The following SUGCT variants were observed in gnomAD, a reference collection of about 807,000 sequenced individuals.
SUGCT encodes succinyl-CoA:glutarate CoA-transferase.
A neutral mutation model predicts 55.0 loss-of-function variants in SUGCT; 41 were observed. The observed-to-expected ratio is 0.74, with a 90% confidence interval of 0.58 to 0.97. SUGCT has a LOEUF of 0.97. Ranked by LOEUF, SUGCT falls within the 50% of genes least tolerant of loss-of-function variation. The pLI, the probability that SUGCT is intolerant of heterozygous loss-of-function variation, is 0.00. For synonymous variants in SUGCT, 187 were observed against 200.4 expected (o/e 0.93, Z 0.56); for missense variants, 568 against 547.8 (o/e 1.04, Z -0.37).
At chr7:40,810,132 T>C (rs945999686) in intron 13 of SUGCT, among the ~76,000 whole-genome samples, 4 of 152,078 alleles carry the variant, frequency 2.6e-5, no homozygotes, top group African/African-American at 9.7e-5. Flanking sequence ...TCTTTTCTTT[T>C]TTTTTTTCTT....
In SUGCT at chr7:40,360,176, G is replaced by A. The variant is rs551396060; in HGVS notation, c.816+43321G>A. On this transcript the variant is annotated intron_variant, in intron 9 of 13. Transcript: ENST00000335693. ...TTACAGGCACCCGCCACCACACCTG[G>A]CTAATTTTTGTATTTTTAGTAGAGG... 4.1e-4 allele frequency among the ~76,000 whole-genome samples: 62 copies of A among 152,308 alleles called. No homozygotes were observed. In the East Asian group the frequency reaches 0.011, roughly 28 times the overall value.
At chr7:40,409,176 A>C (rs1306785127) in intron 9 of SUGCT, among the ~76,000 whole-genome samples, 1 of 152,136 alleles carries the variant, frequency 6.6e-6, no homozygotes, top group East Asian at 1.9e-4. Flanking sequence ...GCTGGTCTCA[A>C]ACTTATGAAC....
chr7:40,274,573 T>C lies in SUGCT; in HGVS notation c.637T>C (p.Tyr213His). 1 of 1,613,790 alleles carries C rather than the reference T, an allele frequency of 6.2e-7. No individual in the cohort carries two copies. Among genetic ancestry groups the C allele is most frequent in the Non-Finnish European group, 8.5e-7 (1 of 1,179,732 alleles). ...MTDLATGLYA[Y>H]GAIMAGLIQK... is the part of the protein sequence containing the mutation. ...TGATCTTGCCACTGGCCTGTATGCA[T>C]ATGGAGCTATTATGGCTGGATTGAT... Residue 213 changes from tyrosine to histidine, a missense_variant, in exon 8 of 14, where the codon TAT becomes CAT. Coordinates refer to ENST00000335693, the MANE Select transcript of SUGCT (RefSeq NM_001193313.2).
chr7:40,305,803 A>C (rs1302323517), intron 8 of SUGCT, among the ~76,000 whole-genome samples: 1 of 152,068 alleles, frequency 6.6e-6, no homozygotes, highest in East Asian at 1.9e-4. Flanking sequence ...CTAGTTCTAC[A>C]GGTGCACACC....
chr7:40,983,233 G>T, the SUGCT span, among the ~76,000 whole-genome samples: 1 of 152,092 alleles, frequency 6.6e-6, no homozygotes, highest in South Asian at 2.1e-4. Context: ...TACGATGGTT[G>T]GTCTTGTGGT....
intron 13 of SUGCT, among the ~76,000 whole-genome samples, chr7:40,810,990 T>G (rs563596533): frequency 6.6e-6 from 1 of 152,336 alleles, no homozygotes; most frequent in African/African-American, 2.4e-5. Flanking sequence ...GCTAGACAAC[T>G]ATCCCAGTTC....
chr7:40,943,588 T>C, the SUGCT span, among the ~76,000 whole-genome samples: 3 of 150,120 alleles, frequency 2.0e-5, no homozygotes, highest in Non-Finnish European at 4.4e-5. Flanking sequence ...ATTTCATCCA[T>C]GTCCCTACAA....
intron 7 of SUGCT, among the ~76,000 whole-genome samples, chr7:40,246,000 A>G (rs960968852): frequency 1.3e-5 from 2 of 151,698 alleles, no homozygotes; most frequent in Non-Finnish European, 2.9e-5. Context: ...ACGCTCAGCT[A>G]ATTTTTGTAG....
intron 6 of SUGCT, among the ~76,000 whole-genome samples, chr7:40,217,235 G>A (rs1406702560): frequency 6.6e-6 from 1 of 151,212 alleles, no homozygotes; most frequent in Non-Finnish European, 1.5e-5. Context: ...TTTAAGACAG[G>A]GTCTCACTCT....
chr7:40,246,430 G>C (rs925366792), intron 7 of SUGCT, among the ~76,000 whole-genome samples: 1 of 151,276 alleles, frequency 6.6e-6, no homozygotes, highest in Non-Finnish European at 1.5e-5. Flanking sequence ...TTGTATTTTT[G>C]GTAGAGACTG....
intron 12 of SUGCT, among the ~76,000 whole-genome samples, chr7:40,636,880 A>G (rs752992364): frequency 8.5e-5 from 13 of 152,200 alleles, no homozygotes; most frequent in Non-Finnish European, 1.5e-4. Context: ...GGATACATGT[A>G]TGTCCCCAAA....
intron 8 of SUGCT, among the ~76,000 whole-genome samples, chr7:40,275,537 T>C (rs373264596): frequency 4.6e-5 from 7 of 152,240 alleles, no homozygotes; most frequent in African/African-American, 1.7e-4. Flanking sequence ...TGGTATTTCA[T>C]GGTATCTGTA....
chr7:40,385,543 A>G (rs1047793104), intron 9 of SUGCT, among the ~76,000 whole-genome samples: 1 of 152,222 alleles, frequency 6.6e-6, no homozygotes, highest in Non-Finnish European at 1.5e-5. Context: ...GGATTTTGGC[A>G]TGATCTTCAC....
At chr7:40,374,547 C>G (rs995079847) in intron 9 of SUGCT, among the ~76,000 whole-genome samples, 2 of 152,128 alleles carry the variant, frequency 1.3e-5, no homozygotes, top group African/African-American at 4.8e-5. Flanking sequence ...AAGGTAAAAT[C>G]TAGACATATA....
intron 6 of SUGCT, among the ~76,000 whole-genome samples, chr7:40,236,986 C>T (rs1789056372): frequency 6.6e-6 from 1 of 152,038 alleles, no homozygotes; most frequent in African/African-American, 2.4e-5. Context: ...GCATGCACCA[C>T]CACACCTGGC....
the SUGCT span, among the ~76,000 whole-genome samples, chr7:40,990,826 C>T: frequency 1.3e-5 from 2 of 152,156 alleles, no homozygotes; most frequent in African/African-American, 2.4e-5. Flanking sequence ...CCTGTGCTAG[C>T]TTCAAATTTT....
intron 1 of SUGCT, among the ~76,000 whole-genome samples, chr7:40,176,956 G>A (rs1399854360): frequency 4.7e-5 from 4 of 84,826 alleles, no homozygotes; most frequent in African/African-American, 1.9e-4. Context: ...GTGAGACTCC[G>A]TCTCCAAAAA....
At chr7:40,634,678 C>T (rs1027483137) in intron 12 of SUGCT, among the ~76,000 whole-genome samples, 13 of 152,154 alleles carry the variant, frequency 8.5e-5, no homozygotes, top group Non-Finnish European at 1.9e-4. Flanking sequence ...GAATTTAAGG[C>T]AGATAGCCAG....
chr7:40,260,009 G>A (rs1179206634), intron 7 of SUGCT, among the ~76,000 whole-genome samples: 1 of 152,094 alleles, frequency 6.6e-6, no homozygotes, highest in Non-Finnish European at 1.5e-5. Flanking sequence ...TGATATGTGG[G>A]ATATTTCATT....
Sources: gnomAD v4.1 joint callset for allele counts (sites outside exome capture counted in the v4.1 genomes callset) on GRCh38, gnomAD v4.1.1 for gene constraint, MANE v1.5 for transcripts, NCBI Gene and HGNC (gene_info 2026-07-23, HGNC 2026-07-21) for gene names.